Variants in NDFIP1 observed in about 807,000 individuals in gnomAD.
NDFIP1 encodes Nedd4 family interacting protein 1, also known as NEDD4 family-interacting protein 1.
A neutral mutation model predicts 28.8 loss-of-function variants in NDFIP1; 7 were observed. That is an observed-to-expected ratio of 0.24 (90% confidence interval 0.14 to 0.46). The LOEUF is 0.46. NDFIP1 is among the 20% of genes least tolerant of loss of function. NDFIP1 has a pLI of 0.99. For synonymous variants in NDFIP1, 92 were observed against 101.0 expected, an observed-to-expected ratio of 0.91 and a Z score of 0.53; for missense variants, 194 against 269.1, an observed-to-expected ratio of 0.72 and a Z score of 1.95.
At chr5:142,113,435 T>A (rs1057414120) in intron 1 of NDFIP1, among the ~76,000 whole-genome samples, 1 of 152,208 alleles carries the variant, frequency 6.6e-6, no homozygotes, top group African/African-American at 2.4e-5. Context: ...AATGCCAACA[T>A]AACCTAAATG....
At chr5:142,135,929 G>T in intron 4 of NDFIP1, 112 bp downstream of exon 4, 1 of 660,640 alleles carries the variant, frequency 1.5e-6, no homozygotes, top group Non-Finnish European at 2.5e-6. Context: ...AATACATTAT[G>T]TTTATTTGGT....
chr5:142,118,724 G>T (rs1368104704), intron 1 of NDFIP1, among the ~76,000 whole-genome samples: 1 of 152,152 alleles, frequency 6.6e-6, no homozygotes, highest in Non-Finnish European at 1.5e-5. Flanking sequence ...GGAATTTCCT[G>T]CATGGGGCAT....
chr5:142,136,724 T>C (rs6580230), intron 4 of NDFIP1, among the ~76,000 whole-genome samples: 143,742 of 143,762 alleles, frequency 1, 71,861 homozygotes, highest in Middle Eastern at 1. Flanking sequence ...CATTGCACTC[T>C]AGCCTGGGGG....
chr5:142,131,434 C>T lies in NDFIP1; in HGVS notation c.64-374C>T, dbSNP rs184956777. Reference sequence around the variant, plus strand: ...GGACTATAGGAGTGTGCCACCATGCCTGGCTAATTTTTGTATTTTTAGTAG... The same window carrying T: ...GGACTATAGGAGTGTGCCACCATGCTTGGCTAATTTTTGTATTTTTAGTAG... On this transcript the variant is annotated intron_variant, in intron 1 of 7. Transcript: ENST00000253814. Among the ~76,000 whole-genome samples, 850 of 152,278 alleles carry T rather than the reference C, an allele frequency of 5.6e-3. 6 individuals carry two copies. Among genetic ancestry groups the T allele is most frequent in the Non-Finnish European group, 9.8e-3 (665 of 68,016 alleles).
intron 4 of NDFIP1, among the ~76,000 whole-genome samples, chr5:142,136,334 A>G (rs574372321): frequency 2.6e-5 from 4 of 152,238 alleles, no homozygotes; most frequent in Non-Finnish European, 5.9e-5. Flanking sequence ...GTGATGTTAT[A>G]TAAGTTGTCA....
At chr5:142,150,677 G>C (rs964576111) in intron 7 of NDFIP1, among the ~76,000 whole-genome samples, 1 of 148,150 alleles carries the variant, frequency 6.7e-6, no homozygotes, top group Non-Finnish European at 1.5e-5. Context: ...AGTGAGCCGA[G>C]CTCGCGCCAC....
chr5:142,146,792 G>A (rs1326747825), intron 7 of NDFIP1, among the ~76,000 whole-genome samples: 13 of 152,190 alleles, frequency 8.5e-5, no homozygotes, highest in Non-Finnish European at 1.5e-4. Flanking sequence ...TAGCAGCCCA[G>A]TTGACAGAAA....
chr5:142,115,953 G>C (rs974457027), intron 1 of NDFIP1, among the ~76,000 whole-genome samples: 3 of 152,132 alleles, frequency 2.0e-5, no homozygotes, highest in African/African-American at 7.2e-5. Context: ...TGTATTAAGT[G>C]TTATAAGTAA....
rs910572728 is a variant in NDFIP1 at position 142,153,700 on chromosome 5, A to G, written c.*1972A>G. On this transcript the variant is annotated 3_prime_UTR_variant, in exon 8 of 8. Coordinates refer to ENST00000253814, the MANE Select transcript of NDFIP1 (RefSeq NM_030571.4). Reference sequence around the variant, plus strand: ...ATGTTCTAAGTTCCAGAATGAAAAGATCTGTAACAATCTGAATAGATGTGG... The same window carrying G: ...ATGTTCTAAGTTCCAGAATGAAAAGGTCTGTAACAATCTGAATAGATGTGG... 8 of 258,054 alleles carry G rather than the reference A, an allele frequency of 3.1e-5. No individual in the cohort carries two copies. The highest frequency in any genetic ancestry group is 1.1e-4 in the African/African-American group (5 of 44,890). 16.0% of individuals were successfully genotyped at this position (258,054 alleles called of 1,614,324 possible).
intron 5 of NDFIP1, 113 bp downstream of exon 5, chr5:142,137,971 T>C: frequency 7.3e-7 from 1 of 1,363,604 alleles, no homozygotes; most frequent in Non-Finnish European, 9.8e-7. Context: ...TGTTAAATGA[T>C]TTTTGGTTTG....
At position 142,109,003 on chromosome 5, in the gene NDFIP1, C is replaced by A; in HGVS notation, c.29C>A (p.Ala10Glu). MALALAALA[A>E]VEPACGSRYQ... ...GCGTTGGCGTTGGCGGCGCTGGCGG[C>A]GGTCGAGCCGGCCTGCGGCAGCCGG... The change falls in exon 1 of 8, where the codon GCG becomes GAG. Residue 10 changes from alanine (A) to glutamate (E), a missense_variant. Ala to Glu is a moderately radical substitution (Grantham distance 107). Coordinates refer to ENST00000253814, the MANE Select transcript of NDFIP1 (RefSeq NM_030571.4). 6.9e-7 allele frequency: 1 copy of A among 1,441,362 alleles called. No homozygotes were observed. The highest frequency in any genetic ancestry group is 9.1e-7 in the Non-Finnish European group (1 of 1,099,942). The allele number at this position is 1,441,362 out of a possible 1,614,324, so 89.3% of individuals were successfully genotyped here.
Position 142,151,885 on chromosome 5 carries a change from G to A in NDFIP1, c.*157G>A, listed in dbSNP as rs1442249992. The A allele has an allele frequency of 6.6e-6, 1 of 152,654 alleles. No individual in the cohort carries two copies. The highest frequency in any genetic ancestry group is 2.4e-5 in the African/African-American group (1 of 41,404). 9.5% of individuals were successfully genotyped at this position (152,654 alleles called of 1,614,324 possible). On this transcript the variant is annotated 3_prime_UTR_variant, in exon 8 of 8. Coordinates refer to ENST00000253814, the MANE Select transcript of NDFIP1 (RefSeq NM_030571.4). Reference sequence around the variant, plus strand: ...TTGAAAAGATCATTTCTCTCTATTTGTTCCTAGGTGTAAAATTTTAATAGT... The same window carrying A: ...TTGAAAAGATCATTTCTCTCTATTTATTCCTAGGTGTAAAATTTTAATAGT...
At position 142,136,662 on chromosome 5, in the gene NDFIP1, G is replaced by A. The variant is rs1019029264; in HGVS notation, c.370+845G>A. ...CCCAGCTACTCAGGAGGCTGAGGCAGGAGAATCGATTGAACCCGGGAGGCA... is the reference window on the plus strand; with the variant it reads ...CCCAGCTACTCAGGAGGCTGAGGCAAGAGAATCGATTGAACCCGGGAGGCA... On this transcript the variant is annotated intron_variant, in intron 4 of 7. Transcript: ENST00000253814. Among the ~76,000 whole-genome samples, 4 of 150,678 alleles carry A rather than the reference G, an allele frequency of 2.7e-5. No homozygotes were observed. In the Admixed American group the frequency reaches 2.7e-4, roughly 10 times the overall value.
chr5:142,142,940 A>AT (rs1554092158), intron 6 of NDFIP1: 18 of 38,118 alleles, frequency 4.7e-4, no homozygotes, highest in African/African-American at 2.1e-3. Context: ...AAAAAAAAAA[A>AT]ATATATATAT....
chr5:142,145,238 C>T (rs971425377), intron 7 of NDFIP1, among the ~76,000 whole-genome samples: 3 of 152,166 alleles, frequency 2.0e-5, no homozygotes, highest in Non-Finnish European at 4.4e-5. Context: ...AGGTCAAACT[C>T]AAGAAAAGAG....
chr5:142,109,058 G>C, intron 1 of NDFIP1, 21 bp downstream of exon 1: 1 of 1,383,262 alleles, frequency 7.2e-7, no homozygotes, highest in Non-Finnish European at 9.4e-7. Context: ...CCCGACTCCA[G>C]CCCCGAACTC....
At chr5:142,124,043 A>G (rs1453956089) in intron 1 of NDFIP1, among the ~76,000 whole-genome samples, 6 of 152,200 alleles carry the variant, frequency 3.9e-5, no homozygotes, top group African/African-American at 1.4e-4. Flanking sequence ...TTATTTCCGT[A>G]GTCTTTGTAA....
At chr5:142,146,252 C>T (rs947724183) in intron 7 of NDFIP1, among the ~76,000 whole-genome samples, 1 of 152,186 alleles carries the variant, frequency 6.6e-6, no homozygotes, top group African/African-American at 2.4e-5. Context: ...GATTGCATGT[C>T]TGAAAATGTG....
chr5:142,148,750 C>CA (rs60681858), intron 7 of NDFIP1, among the ~76,000 whole-genome samples: 294 of 22,186 alleles, frequency 0.013, 32 homozygotes, highest in East Asian at 0.031. Flanking sequence ...GACTCTGTCT[C>CA]AAAAAAAAAA....
Sources: allele counts gnomAD v4.1 joint callset (sites outside exome capture counted in the v4.1 genomes callset), GRCh38; gene constraint gnomAD v4.1.1; transcripts MANE v1.5; gene names NCBI Gene and HGNC (gene_info 2026-07-23, HGNC 2026-07-21).